The following NRP2 variants were observed in gnomAD, a reference collection of about 807,000 sequenced individuals.
NRP2 encodes neuropilin 2, also known as neuropilin-2.
In NRP2, 52 loss-of-function variants were observed where a neutral mutation model predicts 110.4. That is an observed-to-expected ratio of 0.47 (90% CI 0.38 to 0.59). NRP2 has a LOEUF of 0.59. Ranked by LOEUF, NRP2 falls within the 20% of genes least tolerant of loss-of-function variation. The pLI is 0.00. For synonymous variants in NRP2, 508 were observed against 468.9 expected (o/e 1.08, Z -1.08); for missense variants, 1,049 against 1,203.0 (o/e 0.87, Z 1.89).
At chr2:205,755,295 A>G (rs1320551020) in intron 12 of NRP2, among the ~76,000 whole-genome samples, 1 of 152,194 alleles carries the variant, frequency 6.6e-6, no homozygotes, top group African/African-American at 2.4e-5. Flanking sequence ...GGATGGGGAC[A>G]GAGAGAAAAT....
At chr2:205,746,896 G>T (rs906470600) in intron 10 of NRP2, among the ~76,000 whole-genome samples, 1 of 152,176 alleles carries the variant, frequency 6.6e-6, no homozygotes, top group African/African-American at 2.4e-5. Context: ...GCTGGGAATT[G>T]GGCCCAAATT....
In NRP2 at chr2:205,725,864, G is replaced by A. The variant is rs981185703; in HGVS notation, c.821-49G>A. 4 of 1,604,530 alleles carry A rather than the reference G, an allele frequency of 2.5e-6. No individual in the cohort carries two copies. The South Asian group carries it at 4.4e-5, about 18-fold the overall frequency. Reference sequence around the variant, plus strand: ...GGAGGCAGCATTTGGGGGATCCCGAGGTATGAGGTTGGAAGGCCTAACTGC... The same window carrying A: ...GGAGGCAGCATTTGGGGGATCCCGAAGTATGAGGTTGGAAGGCCTAACTGC... On this transcript the variant is annotated intron_variant, in intron 5 of 16. Transcript: ENST00000357785. The surrounding 1 kb of genome is among the most constrained non-coding windows in gnomAD (Gnocchi z 4.1).
At chr2:205,762,687 G>A (rs999011993) in intron 12 of NRP2, among the ~76,000 whole-genome samples, 3 of 152,124 alleles carry the variant, frequency 2.0e-5, no homozygotes. Context: ...CCAAAAAGAG[G>A]TACTGAGATT....
At chr2:205,765,781 C>T (rs941838570) in intron 14 of NRP2, 2 of 700,142 alleles carry the variant, frequency 2.9e-6, no homozygotes, top group African/African-American at 3.5e-5. Flanking sequence ...GCTTATATCC[C>T]TGTTCCCAAT....
chr2:205,752,324 G>A (rs1448988388), intron 11 of NRP2: 2 of 203,228 alleles, frequency 9.8e-6, no homozygotes, highest in Admixed American at 5.3e-5. Flanking sequence ...TAGCAAACAA[G>A]CCTTCCTTGT....
At chr2:205,691,080 C>A (rs849530) in intron 1 of NRP2, among the ~76,000 whole-genome samples, 77,727 of 151,966 alleles carry the variant, frequency 0.51, 20,654 homozygotes, top group East Asian at 0.75. Flanking sequence ...TTGGTCACTT[C>A]TTAATTGGTT....
At chr2:205,694,044 G>T (rs140401282) in intron 1 of NRP2, among the ~76,000 whole-genome samples, 2 of 152,042 alleles carry the variant, frequency 1.3e-5, no homozygotes, top group Admixed American at 6.5e-5. Context: ...TTAAATATTC[G>T]CAAGGAAAGT....
chr2:205,700,604 G>T, intron 2 of NRP2: 1 of 441,434 alleles, frequency 2.3e-6, no homozygotes, highest in Non-Finnish European at 4.6e-6. Flanking sequence ...TTGGCTCCCT[G>T]TATACCTTGA....
rs1246604195 is a variant in NRP2, at chr2:205,730,013, A to G, written c.1146+1967A>G. ...CAAATAAATGGAGTTGGGGCAGAGG[A>G]AAAGCCCATTCTCTTCCCCATTAGA... On this transcript the variant is annotated intron_variant, in intron 7 of 16. Transcript: ENST00000357785. 2.6e-5 allele frequency among the ~76,000 whole-genome samples: 4 copies of G among 152,270 alleles called. No individual in the cohort carries two copies. In the East Asian group the frequency reaches 5.8e-4, roughly 22 times the overall value.
chr2:205,780,950 C>G (rs2058167286), intron 15 of NRP2, among the ~76,000 whole-genome samples: 1 of 152,176 alleles, frequency 6.6e-6, no homozygotes, highest in Non-Finnish European at 1.5e-5. Flanking sequence ...GCTCAATTAC[C>G]CCTTTTGTCT....
chr2:205,729,230 T>C (rs147495696), intron 7 of NRP2, among the ~76,000 whole-genome samples: 2,025 of 152,280 alleles, frequency 0.013, 55 homozygotes, highest in African/African-American at 0.046. Flanking sequence ...AAAATCACCA[T>C]AGTAACGGGG....
At chr2:205,690,248 G>A (rs2056280653) in intron 1 of NRP2, among the ~76,000 whole-genome samples, 1 of 152,150 alleles carries the variant, frequency 6.6e-6, no homozygotes, top group Non-Finnish European at 1.5e-5. Flanking sequence ...GGAAAATGAG[G>A]AGGGGGTTGA....
chr2:205,759,067 A>G (rs13032171), intron 12 of NRP2, among the ~76,000 whole-genome samples: 2 of 152,192 alleles, frequency 1.3e-5, no homozygotes, highest in Non-Finnish European at 2.9e-5. Context: ...TTTGATCTCA[A>G]TATCTATGTG....
chr2:205,689,865 C>A (rs2056268015), intron 1 of NRP2, among the ~76,000 whole-genome samples: 1 of 152,164 alleles, frequency 6.6e-6, no homozygotes, highest in Non-Finnish European at 1.5e-5. Flanking sequence ...AGCAGCTGAA[C>A]TCAAAAAAGT....
intron 15 of NRP2, among the ~76,000 whole-genome samples, chr2:205,789,840 T>C (rs1042726909): frequency 1.3e-5 from 2 of 152,180 alleles, no homozygotes; most frequent in East Asian, 3.8e-4. Context: ...AAGTGGCTGG[T>C]AAAGGGCAAA....
At chr2:205,746,893 A>G (rs1024875205) in intron 10 of NRP2, among the ~76,000 whole-genome samples, 2 of 151,790 alleles carry the variant, frequency 1.3e-5, no homozygotes, top group Middle Eastern at 3.4e-3. Context: ...CGGGCTGGGA[A>G]TTGGGCCCAA....
intron 2 of NRP2, among the ~76,000 whole-genome samples, chr2:205,710,837 G>A (rs1007397774): frequency 6.6e-6 from 1 of 152,236 alleles, no homozygotes; most frequent in Non-Finnish European, 1.5e-5. Flanking sequence ...ACTCCAGGAG[G>A]TGATAAATTC....
chr2:205,774,999 C>A lies in NRP2; in HGVS notation c.2425+8196C>A, dbSNP rs990001571. The stretch of plus-strand genomic sequence containing the variant: ...TTGCATCTTGAGCAGAGGGGGACCA[C>A]CCTCTGCTCACAGGGTAGGACCACT... On this transcript the variant is annotated intron_variant, in intron 15 of 16. Coordinates refer to ENST00000357785, the MANE Select transcript of NRP2 (RefSeq NM_003872.3). 3.3e-5 allele frequency among the ~76,000 whole-genome samples: 5 copies of A among 152,278 alleles called. No individual in the cohort carries two copies. The South Asian group carries it at 8.3e-4, about 25-fold the overall frequency.
intron 15 of NRP2, chr2:205,776,761 G>T: frequency 6.9e-7 from 1 of 1,439,410 alleles, no homozygotes; most frequent in Non-Finnish European, 9.1e-7. Context: ...CAACTCTAAT[G>T]CTGCATCTTG....
Sources: gnomAD v4.1 joint callset for allele counts (sites outside exome capture counted in the v4.1 genomes callset) on GRCh38, gnomAD v4.1.1 for gene constraint, Gnocchi (gnomAD v3.1) non-coding constraint, MANE v1.5 for transcripts, NCBI Gene and HGNC (gene_info 2026-07-23, HGNC 2026-07-21) for gene names.